The following NUP50 variants were observed in gnomAD, a reference collection of about 807,000 sequenced individuals.
The protein encoded by NUP50 is nuclear pore complex protein Nup50.
NUP50 carries 14 observed loss-of-function variants against 36.8 expected under a neutral mutation model. The observed-to-expected ratio is 0.38, with a 90% CI of 0.25 to 0.59. The LOEUF (loss-of-function observed/expected upper bound fraction) is 0.59. NUP50 is among the 20% of genes least tolerant of loss of function. NUP50 has a pLI of 0.63. For synonymous variants in NUP50, 195 were observed against 210.8 expected (o/e 0.93, Z 0.65); for missense variants, 455 against 564.6 (o/e 0.81, Z 1.97).
intron 1 of NUP50, among the ~76,000 whole-genome samples, chr22:45,165,467 A>C (rs2074080876): frequency 6.6e-6 from 1 of 152,218 alleles, no homozygotes; most frequent in Admixed American, 6.5e-5. Flanking sequence ...GTTGGTTTCC[A>C]ACTCCTGGCT....
At position 45,187,202 on chromosome 22, in the gene NUP50, T is replaced by C. The variant is rs2083457838; in HGVS notation, c.*2547T>C. On this transcript the variant is annotated 3_prime_UTR_variant, in exon 8 of 8. Coordinates refer to ENST00000347635, the MANE Select transcript of NUP50 (RefSeq NM_007172.4). Reference sequence around the variant, plus strand: ...TTTTTTTAAAACCTGTGTATCCATCTCATCCTTTTGCGCATTCCTAGTAAG... The same window carrying C: ...TTTTTTTAAAACCTGTGTATCCATCCCATCCTTTTGCGCATTCCTAGTAAG... 1 of 148,248 alleles carries C rather than the reference T, an allele frequency of 6.7e-6. No homozygotes were observed. Among genetic ancestry groups the C allele is most frequent in the South Asian group, 2.2e-4 (1 of 4,590 alleles). The allele number at this position is 148,248 out of a possible 1,614,324, so 9.2% of individuals were successfully genotyped here.
intron 4 of NUP50, among the ~76,000 whole-genome samples, chr22:45,177,291 C>A (rs768234766): frequency 1.4e-4 from 22 of 152,188 alleles, no homozygotes; most frequent in Non-Finnish European, 2.8e-4. Flanking sequence ...AGTGATCCTC[C>A]CCCATCAGCC....
At position 45,186,188 on chromosome 22, in the gene NUP50, T is replaced by C. The variant is rs966189614; in HGVS notation, c.*1533T>C. On this transcript the variant is annotated 3_prime_UTR_variant, in exon 8 of 8. Coordinates refer to ENST00000347635, the MANE Select transcript of NUP50 (RefSeq NM_007172.4). Reference sequence around the variant, plus strand: ...ATTCCACTGGGAGAATTTGGCCTAGTGTGTGGCTTTGGATGAATCCGTGTA... The same window carrying C: ...ATTCCACTGGGAGAATTTGGCCTAGCGTGTGGCTTTGGATGAATCCGTGTA... 3.9e-5 allele frequency: 6 copies of C among 152,200 alleles called. No individual in the cohort carries two copies. Among genetic ancestry groups the C allele is most frequent in the Non-Finnish European group, 8.8e-5 (6 of 68,050 alleles). 9.4% of individuals were successfully genotyped at this position (152,200 alleles called of 1,614,324 possible). A position where few individuals can be genotyped will look rare whatever the true frequency, so the allele number is the denominator to read the frequency against.
chr22:45,187,430 AAAG>A lies in NUP50; in HGVS notation c.*2777_*2779del, dbSNP rs1569063167. On this transcript the variant is annotated 3_prime_UTR_variant, in exon 8 of 8. Transcript: ENST00000347635. The stretch of plus-strand genomic sequence containing the variant: ...ATATGCTGCATGCCAAAAAAAAAAA[AAAG>A]AGAAAACTGCCTTTTCTGGTGTGGA... 3 of 152,238 alleles carry A rather than the reference AAAG, an allele frequency of 2.0e-5. No homozygotes were observed. Among genetic ancestry groups the A allele is most frequent in the South Asian group, 2.1e-4 (1 of 4,832 alleles). The allele number at this position is 152,238 out of a possible 1,614,324, so 9.4% of individuals were successfully genotyped here.
intron 3 of NUP50, among the ~76,000 whole-genome samples, chr22:45,173,537 G>C (rs2074230896): frequency 6.6e-6 from 1 of 152,140 alleles, no homozygotes; most frequent in South Asian, 2.1e-4. Context: ...CACTCAAGTG[G>C]AGTGCCCTGG....
At position 45,186,345 on chromosome 22, in the gene NUP50, G is replaced by A. The variant is rs1397236458; in HGVS notation, c.*1690G>A. The A allele has an allele frequency of 6.6e-6, 1 of 152,218 alleles. No individual in the cohort carries two copies. Among genetic ancestry groups the A allele is most frequent in the Non-Finnish European group, 1.5e-5 (1 of 68,034 alleles). The allele number at this position is 152,218 out of a possible 1,614,324, so 9.4% of individuals were successfully genotyped here. On this transcript the variant is annotated 3_prime_UTR_variant, in exon 8 of 8. Coordinates refer to ENST00000347635, the MANE Select transcript of NUP50 (RefSeq NM_007172.4). The stretch of plus-strand genomic sequence containing the variant: ...ATGCACGTGGGTTTCTGTTGCGGAT[G>A]ATTCATAGTAAGCAAGCGGTTGATG...
At chr22:45,181,206 G>C (rs2074365768) in intron 5 of NUP50, 80 bp from the exon 6 acceptor site, 1 of 902,150 alleles carries the variant, frequency 1.1e-6, no homozygotes, top group Non-Finnish European at 1.7e-6. Context: ...GGAGGTTTAG[G>C]GTGTTACGTA....
chr22:45,168,096 G>T, intron 1 of NUP50, 72 bp from the exon 2 acceptor site: 3 of 1,167,816 alleles, frequency 2.6e-6, no homozygotes, highest in South Asian at 2.8e-5. Flanking sequence ...TCATGCTAGA[G>T]TGAATTTTTA....
chr22:45,180,726 C>G (rs764076866), intron 5 of NUP50, among the ~76,000 whole-genome samples: 1 of 151,946 alleles, frequency 6.6e-6, no homozygotes, highest in Non-Finnish European at 1.5e-5. Context: ...TTTGGGAGAC[C>G]CCGTTAGTGG....
In NUP50 at chr22:45,178,219, A is replaced by G. The variant is rs1403876705; in HGVS notation, c.341-19A>G. 6.3e-7 allele frequency: 1 copy of G among 1,596,740 alleles called. No individual in the cohort carries two copies. The highest frequency in any genetic ancestry group is 8.5e-7 in the Non-Finnish European group (1 of 1,171,382). On this transcript the variant is annotated intron_variant, in intron 4 of 7. Transcript: ENST00000347635. ...TCAAATTAGGCTAAATAAATGGTTC[A>G]ATTATTAACTTTCTATAGGTTCTCT...
At position 45,168,250 on chromosome 22, in the gene NUP50, A is replaced by G. The variant is rs1430965446; in HGVS notation, c.69+4A>G. On this transcript the variant is annotated splice_donor_region_variant and intron_variant, in intron 2 of 7. Coordinates refer to ENST00000347635, the MANE Select transcript of NUP50 (RefSeq NM_007172.4). ...TCAAGAAGATGAAGCTGAAGAGGTA[A>G]AAAGCAGCTTCCCTAAGAATGATTT... The G allele has an allele frequency of 1.2e-6, 2 of 1,600,466 alleles. No individual in the cohort carries two copies. Among genetic ancestry groups the G allele is most frequent in the Non-Finnish European group, 1.7e-6 (2 of 1,173,652 alleles).
rs2074456535 is a variant in NUP50, at chr22:45,185,572, AC to A, written c.*918del. 2 of 152,176 alleles carry A rather than the reference AC, an allele frequency of 1.3e-5. No individual in the cohort carries two copies. The highest frequency in any genetic ancestry group is 1.3e-4 in the Admixed American group (2 of 15,274). 9.4% of individuals were successfully genotyped at this position (152,176 alleles called of 1,614,324 possible). A position where few individuals can be genotyped will look rare whatever the true frequency, so the allele number is the denominator to read the frequency against. ...CCAAGTGACGTGCCTGGGAGCTTTG[AC>A]ACACGAGCCGTGTGAATTCACTAGG... On this transcript the variant is annotated 3_prime_UTR_variant, in exon 8 of 8. Transcript: ENST00000347635.
chr22:45,181,663 G>A (rs971792667), intron 6 of NUP50, among the ~76,000 whole-genome samples: 10 of 151,790 alleles, frequency 6.6e-5, no homozygotes, highest in Non-Finnish European at 1.2e-4. Flanking sequence ...ATTCCATCCC[G>A]TCTTCTCTCC....
In NUP50 at chr22:45,175,972, A is replaced by G. The variant is rs140324933; in HGVS notation, c.232A>G (p.Ser78Gly). Residue 78 changes from serine to glycine, a missense_variant, in exon 4 of 8, where the codon AGT becomes GGT. Physicochemically the swap from Ser to Gly is moderately conservative, Grantham distance 56. Transcript: ENST00000347635. Reference sequence around the variant, plus strand: ...AGGAGGACGCTTTTCTGGATTTGGTAGTGGCGCTGGAGGGAAGCCTTTGGA... The same window carrying G: ...AGGAGGACGCTTTTCTGGATTTGGTGGTGGCGCTGGAGGGAAGCCTTTGGA... The part of the protein sequence containing the change: ...SGGGRFSGFG[S>G]GAGGKPLEGL... The G allele has an allele frequency of 5.0e-6, 8 of 1,614,114 alleles. No homozygotes were observed. Among genetic ancestry groups the G allele is most frequent in the Non-Finnish European group, 6.8e-6 (8 of 1,180,022 alleles).
intron 7 of NUP50, chr22:45,183,937 C>T (rs751344353): frequency 2.4e-5 from 5 of 211,066 alleles, no homozygotes; most frequent in Non-Finnish European, 4.8e-5. Flanking sequence ...GGCAGGCCTG[C>T]GGTGGAGCGG....
chr22:45,171,351 C>G (rs1185481992), intron 2 of NUP50, among the ~76,000 whole-genome samples: 2 of 152,188 alleles, frequency 1.3e-5, no homozygotes, highest in Non-Finnish European at 2.9e-5. Flanking sequence ...AGGTGCCCAC[C>G]ACCATGCCCA....
In NUP50 at chr22:45,178,639, G is replaced by A. The variant is rs1169023688; in HGVS notation, c.742G>A (p.Asp248Asn). 6.2e-7 allele frequency: 1 copy of A among 1,611,864 alleles called. No homozygotes were observed. Among genetic ancestry groups the A allele is most frequent in the Non-Finnish European group, 8.5e-7 (1 of 1,179,860 alleles). ...TGGCAACAAAACTGAAGATACACCT[G>A]ACAAGAAGATGGAGGTGGCATCTGA... ...FHGNKTEDTPDKKMEVASEKK... is the reference protein window; with the variant it reads ...FHGNKTEDTPNKKMEVASEKK... Residue 248 changes from aspartate to asparagine, a missense_variant, in exon 5 of 8, where the codon GAC (aspartate) becomes AAC (asparagine). Transcript: ENST00000347635.
At chr22:45,183,022 T>G (rs1467204189) in intron 6 of NUP50, among the ~76,000 whole-genome samples, 1 of 144,986 alleles carries the variant, frequency 6.9e-6, no homozygotes, top group Non-Finnish European at 1.5e-5. Context: ...TTCCTGTCTT[T>G]AGAGGACCAG....
chr22:45,170,836 A>G (rs1162264571), intron 2 of NUP50, among the ~76,000 whole-genome samples: 2 of 152,236 alleles, frequency 1.3e-5, no homozygotes, highest in Non-Finnish European at 2.9e-5. Flanking sequence ...AAATGTGTGG[A>G]AAGATTACAT....
Sources: allele counts gnomAD v4.1 joint callset (sites outside exome capture counted in the v4.1 genomes callset), GRCh38; gene constraint gnomAD v4.1.1; transcripts MANE v1.5; gene names NCBI Gene and HGNC (gene_info 2026-07-23, HGNC 2026-07-21).